Variants in FHIT observed in about 807,000 individuals in gnomAD.
The protein encoded by FHIT is fragile histidine triad diadenosine triphosphatase.
FHIT carries 19 observed loss-of-function variants against 17.9 expected under a neutral mutation model. The observed-to-expected ratio is 1.06, with a 90% CI of 0.74 to 1.56. The LOEUF (loss-of-function observed/expected upper bound fraction) is 1.56. Ranked by LOEUF, FHIT falls within the 40% of genes most tolerant of loss-of-function variation. The pLI is 0.00. For missense variants in FHIT, 248 were observed against 189.2 expected (o/e 1.31, Z -1.82); for synonymous variants, 81 against 69.7 (o/e 1.16, Z -0.81).
intron 2 of FHIT, among the ~76,000 whole-genome samples, chr3:61,133,022 C>T (rs976530791): frequency 2.0e-5 from 3 of 152,068 alleles, no homozygotes; most frequent in Non-Finnish European, 2.9e-5. Flanking sequence ...TGGTAGTTGG[C>T]GACTATAGTG....
chr3:60,029,254 C>T (rs1373799104), intron 5 of FHIT, among the ~76,000 whole-genome samples: 1 of 152,088 alleles, frequency 6.6e-6, no homozygotes, highest in Non-Finnish European at 1.5e-5. Flanking sequence ...ACTAAGTGGA[C>T]ATTGCATGGT....
At chr3:60,381,475 T>C (rs1260643949) in intron 5 of FHIT, among the ~76,000 whole-genome samples, 1 of 144,844 alleles carries the variant, frequency 6.9e-6, no homozygotes, top group African/African-American at 2.6e-5. Flanking sequence ...CAAAACTCCA[T>C]CTCAAAAAAA....
intron 3 of FHIT, among the ~76,000 whole-genome samples, chr3:60,919,316 T>C (rs1267539262): frequency 1.3e-5 from 2 of 152,116 alleles, no homozygotes; most frequent in East Asian, 3.8e-4. Flanking sequence ...ACCATTTCAT[T>C]ATACAAACTT....
chr3:59,830,200 G>T (rs1322629689), intron 8 of FHIT, among the ~76,000 whole-genome samples: 1 of 152,150 alleles, frequency 6.6e-6, no homozygotes, highest in African/African-American at 2.4e-5. Flanking sequence ...CAACTGCTAA[G>T]ATAACCAAAG....
chr3:60,996,289 G>A (rs754282227), intron 3 of FHIT, among the ~76,000 whole-genome samples: 16 of 152,060 alleles, frequency 1.1e-4, no homozygotes, highest in South Asian at 2.1e-4. Flanking sequence ...TGCAAAATGC[G>A]GTGCAAGACA....
intron 4 of FHIT, among the ~76,000 whole-genome samples, chr3:60,609,782 G>A (rs1169850917): frequency 6.6e-6 from 1 of 152,058 alleles, no homozygotes; most frequent in Non-Finnish European, 1.5e-5. Context: ...GATTTCTTAG[G>A]TGCCAAGCAG....
chr3:60,936,272 C>T (rs1708186842), intron 3 of FHIT, among the ~76,000 whole-genome samples: 1 of 152,116 alleles, frequency 6.6e-6, no homozygotes, highest in Non-Finnish European at 1.5e-5. Context: ...ACTTGCCCTC[C>T]AAGTCATCAT....
At chr3:60,287,466 G>A (rs1025263652) in intron 5 of FHIT, among the ~76,000 whole-genome samples, 1 of 152,154 alleles carries the variant, frequency 6.6e-6, no homozygotes, top group South Asian at 2.1e-4. Flanking sequence ...ACCACACCCA[G>A]CCAAAATTTC....
chr3:60,707,370 A>C (rs1050454142), intron 4 of FHIT, among the ~76,000 whole-genome samples: 2 of 152,228 alleles, frequency 1.3e-5, no homozygotes, highest in Non-Finnish European at 1.5e-5. Context: ...AAGTCTATTA[A>C]ATGTTTATTT....
At chr3:60,782,699 T>C (rs1700434374) in intron 4 of FHIT, among the ~76,000 whole-genome samples, 1 of 152,190 alleles carries the variant, frequency 6.6e-6, no homozygotes, top group Admixed American at 6.5e-5. Context: ...CTGTGTATTT[T>C]ATAAATAATA....
At chr3:60,065,454 C>T (rs542051284) in intron 5 of FHIT, among the ~76,000 whole-genome samples, 12 of 152,138 alleles carry the variant, frequency 7.9e-5, no homozygotes, top group Admixed American at 7.2e-4. Context: ...ACATTAAGTA[C>T]CTAGGACCCA....
At chr3:60,240,412 C>G (rs867906390) in intron 5 of FHIT, among the ~76,000 whole-genome samples, 1 of 152,106 alleles carries the variant, frequency 6.6e-6, no homozygotes, top group East Asian at 1.9e-4. Context: ...CAGAGCAGAT[C>G]AAACTACAAC....
chr3:60,383,301 C>T (rs1224564086), intron 5 of FHIT, among the ~76,000 whole-genome samples: 7 of 152,092 alleles, frequency 4.6e-5, no homozygotes, highest in East Asian at 1.9e-4. Flanking sequence ...CTTATGATTA[C>T]GATAATAACA....
intron 2 of FHIT, among the ~76,000 whole-genome samples, chr3:61,042,888 G>T (rs1216958727): frequency 1.3e-5 from 2 of 152,124 alleles, no homozygotes; most frequent in East Asian, 3.9e-4. Flanking sequence ...AGGATACCTG[G>T]AGTTCCCACT....
chr3:59,768,624 C>T (rs560338784), intron 8 of FHIT, among the ~76,000 whole-genome samples: 1,789 of 152,300 alleles, frequency 0.012, 3 homozygotes, highest in African/African-American at 0.041. Flanking sequence ...TCCCAGACAT[C>T]AATGTCATAT....
intron 5 of FHIT, among the ~76,000 whole-genome samples, chr3:60,121,709 AACAC>A (rs57250663): frequency 0.31 from 36,338 of 115,788 alleles, 5,158 homozygotes; most frequent in Non-Finnish European, 0.41. Context: ...AAACAAAACA[AACAC>A]ACACACACAC....
At chr3:60,857,781 A>G (rs956713224) in intron 3 of FHIT, among the ~76,000 whole-genome samples, 9 of 152,122 alleles carry the variant, frequency 5.9e-5, no homozygotes, top group African/African-American at 1.9e-4. Flanking sequence ...ATGAAAAAAT[A>G]GGTGGATATG....
intron 4 of FHIT, among the ~76,000 whole-genome samples, chr3:60,672,814 T>A (rs2040537215): frequency 6.6e-6 from 1 of 151,864 alleles, no homozygotes; most frequent in Non-Finnish European, 1.5e-5. Context: ...TTAAAATGCA[T>A]ATTTCTAAAG....
chr3:60,963,588 C>T (rs900697103), intron 3 of FHIT, among the ~76,000 whole-genome samples: 1 of 152,184 alleles, frequency 6.6e-6, no homozygotes, highest in East Asian at 1.9e-4. Flanking sequence ...TTTCCCTCTA[C>T]ACACTGCTTT....
Sources: allele counts gnomAD v4.1 joint callset (sites outside exome capture counted in the v4.1 genomes callset), GRCh38; gene constraint gnomAD v4.1.1; transcripts MANE v1.5; gene names NCBI Gene and HGNC (gene_info 2026-07-23, HGNC 2026-07-21).